The following MROH7 variants were observed in gnomAD, a reference collection of about 807,000 sequenced individuals.
The protein encoded by MROH7 is maestro heat-like repeat-containing protein family member 7.
In MROH7, 113 loss-of-function variants were observed where a neutral mutation model predicts 129.2. That is an observed-to-expected ratio of 0.87 (90% CI 0.75 to 1.02). MROH7 has a LOEUF of 1.02. MROH7 is among the 50% of genes least tolerant of loss of function. The pLI is 0.00. For synonymous variants in MROH7, 655 were observed against 667.9 expected (o/e 0.98, Z 0.30); for missense variants, 1,601 against 1,671.3 (o/e 0.96, Z 0.73).
At chr1:54,654,598 G>C (rs1056101183) in intron 3 of MROH7, among the ~76,000 whole-genome samples, 8 of 152,104 alleles carry the variant, frequency 5.3e-5, no homozygotes, top group African/African-American at 1.7e-4. Flanking sequence ...GCTTGAACCT[G>C]GGAGGCAGAG....
intron 23 of MROH7, 39 bp from the exon 24 acceptor site, chr1:54,709,907 G>T: frequency 6.3e-7 from 1 of 1,597,088 alleles, no homozygotes; most frequent in Non-Finnish European, 8.6e-7. Context: ...ATAGGGCCCT[G>T]GGTCTTAATA....
chr1:54,692,050 A>G (rs977116416), intron 15 of MROH7, among the ~76,000 whole-genome samples: 3 of 152,148 alleles, frequency 2.0e-5, no homozygotes, highest in African/African-American at 7.2e-5. Flanking sequence ...GCTGCTGGGT[A>G]TGCAGTTTGA....
intron 3 of MROH7, among the ~76,000 whole-genome samples, chr1:54,655,686 G>C (rs12759156): frequency 0.17 from 26,370 of 151,846 alleles, 2,731 homozygotes; most frequent in Non-Finnish European, 0.25. Context: ...CCCAGCCTCT[G>C]TACATTTTAG....
intron 5 of MROH7, 73 bp from the exon 6 acceptor site, chr1:54,670,424 A>T: frequency 7.4e-7 from 1 of 1,343,556 alleles, no homozygotes; most frequent in Non-Finnish European, 1.0e-6. Flanking sequence ...GCTCCTTGTG[A>T]CGGGGGCAGC....
chr1:54,687,751 A>G (rs1046967081), intron 15 of MROH7, among the ~76,000 whole-genome samples: 7 of 152,276 alleles, frequency 4.6e-5, no homozygotes, highest in African/African-American at 1.2e-4. Context: ...CACCCTTGCC[A>G]ACACAATGTG....
chr1:54,688,031 C>A (rs1297332913), intron 15 of MROH7, among the ~76,000 whole-genome samples: 1 of 150,844 alleles, frequency 6.6e-6, no homozygotes, highest in Non-Finnish European at 1.5e-5. Context: ...ACCAGCCTGG[C>A]CAATATGGTG....
At chr1:54,691,807 T>TAA in intron 15 of MROH7, among the ~76,000 whole-genome samples, 7 of 114,688 alleles carry the variant, frequency 6.1e-5, no homozygotes, top group African/African-American at 3.1e-4. Context: ...AAAAAAAGTG[T>TAA]GTGTGTGTGT....
intron 11 of MROH7, 133 bp downstream of exon 11, chr1:54,678,987 C>A: frequency 2.7e-6 from 2 of 734,758 alleles, no homozygotes; most frequent in Non-Finnish European, 4.7e-6. Flanking sequence ...CACGCCTGTC[C>A]TGAGTGCCCT....
intron 1 of MROH7, among the ~76,000 whole-genome samples, chr1:54,647,137 T>A (rs1413258948): frequency 6.6e-6 from 1 of 152,232 alleles, no homozygotes; most frequent in Non-Finnish European, 1.5e-5. Context: ...TAAATATTGC[T>A]GATGTCCAAT....
chr1:54,690,468 C>T (rs899105005), intron 15 of MROH7, among the ~76,000 whole-genome samples: 6 of 140,798 alleles, frequency 4.3e-5, no homozygotes, highest in African/African-American at 1.1e-4. Flanking sequence ...TTTTTTTAGA[C>T]GGAGTCTCAC....
intron 3 of MROH7, among the ~76,000 whole-genome samples, chr1:54,660,152 A>C (rs1397170229): frequency 6.6e-6 from 1 of 152,174 alleles, no homozygotes; most frequent in Non-Finnish European, 1.5e-5. Context: ...ACAGGGATTT[A>C]TTTTCTCACA....
chr1:54,695,354 T>C (rs1305821182), intron 16 of MROH7, 22 bp from the exon 17 acceptor site: 1 of 1,453,866 alleles, frequency 6.9e-7, no homozygotes, highest in East Asian at 2.3e-5. Context: ...CTGAGGGGAC[T>C]ACTCCCCCTT....
chr1:54,643,379 T>C (rs1374050197), intron 1 of MROH7, among the ~76,000 whole-genome samples: 1 of 152,094 alleles, frequency 6.6e-6, no homozygotes, highest in Admixed American at 6.5e-5. Context: ...GGCCAAAACA[T>C]TGAGGATCCT....
chr1:54,686,094 C>G (rs1202420058), intron 14 of MROH7, among the ~76,000 whole-genome samples, 164 bp from the exon 15 acceptor site: 1 of 152,040 alleles, frequency 6.6e-6, no homozygotes, highest in East Asian at 1.9e-4. Context: ...GGCCAGAGAG[C>G]CAGAGGTTTG....
intron 10 of MROH7, among the ~76,000 whole-genome samples, chr1:54,676,204 T>A (rs2101121622): frequency 6.6e-6 from 1 of 152,290 alleles, no homozygotes; most frequent in South Asian, 2.1e-4. Flanking sequence ...TTTATTTATT[T>A]TTTTCTTTTT....
intron 15 of MROH7, among the ~76,000 whole-genome samples, chr1:54,687,860 C>CT (rs374965799): frequency 8.3e-5 from 12 of 143,858 alleles, no homozygotes; most frequent in Non-Finnish European, 1.4e-4. Context: ...ATTGAGTTTG[C>CT]TTTTTTTCTT....
chr1:54,672,859 AAGGT>A (rs1161486181), intron 7 of MROH7, among the ~76,000 whole-genome samples: 6 of 148,148 alleles, frequency 4.1e-5, no homozygotes, highest in African/African-American at 1.5e-4. Flanking sequence ...CCTCCTCTTT[AAGGT>A]AGAAAGTGCA....
chr1:54,663,531 G>A (rs905875395), intron 3 of MROH7, among the ~76,000 whole-genome samples: 2 of 151,824 alleles, frequency 1.3e-5, no homozygotes, highest in African/African-American at 2.4e-5. Flanking sequence ...CACCACCATT[G>A]CCCAGCTAAT....
intron 14 of MROH7, among the ~76,000 whole-genome samples, chr1:54,685,419 GGAT>G (rs1196726188): frequency 3.9e-5 from 6 of 152,240 alleles, no homozygotes; most frequent in African/African-American, 1.4e-4. Flanking sequence ...GGGGCTGGCC[GGAT>G]GATGATCAGT....
Sources: gnomAD v4.1 joint callset for allele counts (sites outside exome capture counted in the v4.1 genomes callset) on GRCh38, gnomAD v4.1.1 for gene constraint, MANE v1.5 for transcripts, NCBI Gene and HGNC (gene_info 2026-07-23, HGNC 2026-07-21) for gene names.